DNAI1: variants seen among roughly 807,000 people sequenced by gnomAD.
The protein encoded by DNAI1 is dynein axonemal intermediate chain 1, also known as dynein, axonemal, intermediate polypeptide 1.
A neutral mutation model predicts 92.0 loss-of-function variants in DNAI1; 67 were observed. The ratio of observed to expected loss-of-function variants is 0.73; its 90% CI spans 0.60 to 0.89. The LOEUF is 0.89. Ranked by LOEUF, DNAI1 falls within the 40% of genes least tolerant of loss-of-function variation. DNAI1 has a pLI of 0.00. For missense variants in DNAI1, 839 were observed against 866.6 expected (o/e 0.97, Z 0.40); for synonymous variants, 323 against 319.6 (o/e 1.01, Z -0.11).
At chr9:34,491,416 T>G (rs1824588401) in intron 7 of DNAI1, 79 bp from the exon 8 acceptor site, 1 of 1,531,172 alleles carries the variant, frequency 6.5e-7, no homozygotes. Context: ...CCAAAATGCT[T>G]CTCTCAAAGA....
At chr9:34,519,837 G>A (rs1825234955) in intron 19 of DNAI1, among the ~76,000 whole-genome samples, 1 of 152,190 alleles carries the variant, frequency 6.6e-6, no homozygotes, top group African/African-American at 2.4e-5. Context: ...AATGGCAACT[G>A]CCCAGCCTGC....
At chr9:34,513,078 C>A in intron 15 of DNAI1, 34 bp from the exon 16 acceptor site, 2 of 1,586,644 alleles carry the variant, frequency 1.3e-6, no homozygotes, top group Non-Finnish European at 1.7e-6. Context: ...CCTCTTGGAA[C>A]TGGGCTAAGC....
chr9:34,497,037 C>A, intron 9 of DNAI1, 78 bp from the exon 10 acceptor site: 1 of 1,108,166 alleles, frequency 9.0e-7, no homozygotes, highest in Non-Finnish European at 1.4e-6. Context: ...GAATCAATTG[C>A]AAGGGTGACA....
intron 7 of DNAI1, 53 bp downstream of exon 7, chr9:34,490,541 G>GGAA: frequency 1.2e-6 from 2 of 1,612,212 alleles, no homozygotes; most frequent in Admixed American, 1.7e-5. Flanking sequence ...TGCCTGGCAG[G>GGAA]GAAGAAGCAG....
chr9:34,472,702 G>C (rs1028573914), intron 1 of DNAI1, among the ~76,000 whole-genome samples: 6 of 152,076 alleles, frequency 3.9e-5, no homozygotes, highest in Admixed American at 1.3e-4. Flanking sequence ...AGAAGTTTGA[G>C]ACCAGCCTGG....
Position 34,458,946 on chromosome 9 carries a change from G to C in DNAI1, c.-60G>C. On this transcript the variant is annotated 5_prime_UTR_variant, in exon 1 of 20. Transcript: ENST00000242317. The surrounding 1 kb of genome is among the most constrained non-coding windows in gnomAD (Gnocchi z 6.6). Reference sequence around the variant, plus strand: ...CAGATTTCTTGTGTGTGGTCAAGGAGACGGACAAACTTTTTGTCTTCAGAC... The same window carrying C: ...CAGATTTCTTGTGTGTGGTCAAGGACACGGACAAACTTTTTGTCTTCAGAC... 2 of 1,507,998 alleles carry C rather than the reference G, an allele frequency of 1.3e-6. No homozygotes were observed. Among genetic ancestry groups the C allele is most frequent in the Non-Finnish European group, 1.8e-6 (2 of 1,083,692 alleles). The allele number at this position is 1,507,998 out of a possible 1,614,324, so 93.4% of individuals were successfully genotyped here. A position where few individuals can be genotyped will look rare whatever the true frequency, so the allele number is the denominator to read the frequency against.
rs200801942 is a variant in DNAI1 at position 34,513,203 on chromosome 9, C to G, written c.1569+12C>G. On this transcript the variant is annotated intron_variant, in intron 16 of 19. Transcript: ENST00000242317. ...GAAAAATCTACAAGGTGAGGCTGCC[C>G]TGTGCCAGCTCCTTAGAAGGCCGCT... The G allele has an allele frequency of 4.0e-5, 64 of 1,610,118 alleles. No homozygotes were observed. The highest frequency in any genetic ancestry group is 5.4e-5 in the Non-Finnish European group (63 of 1,176,430).
intron 1 of DNAI1, among the ~76,000 whole-genome samples, chr9:34,481,882 G>T (rs987945722): frequency 6.6e-6 from 1 of 152,234 alleles, no homozygotes; most frequent in Non-Finnish European, 1.5e-5. Context: ...AAAGAACAAA[G>T]ATTCCACAGT....
chr9:34,493,522 C>A (rs1214328580), intron 9 of DNAI1, among the ~76,000 whole-genome samples, 194 bp downstream of exon 9: 1 of 152,104 alleles, frequency 6.6e-6, no homozygotes, highest in Non-Finnish European at 1.5e-5. Flanking sequence ...TCCATACCTC[C>A]CCCCAGTAAG....
chr9:34,492,455 T>G, intron 8 of DNAI1, among the ~76,000 whole-genome samples: 1 of 139,132 alleles, frequency 7.2e-6, no homozygotes, highest in Non-Finnish European at 1.6e-5. Context: ...CGAGCCAGTA[T>G]GTTTATGCCA....
chr9:34,492,372 A>G (rs1201313830), intron 8 of DNAI1, among the ~76,000 whole-genome samples: 1 of 151,202 alleles, frequency 6.6e-6, no homozygotes, highest in Non-Finnish European at 1.5e-5. Flanking sequence ...AGATCCATTT[A>G]GCAAATGTTC....
intron 6 of DNAI1, 79 bp from the exon 7 acceptor site, chr9:34,490,290 G>C (rs991406816): frequency 4.3e-6 from 7 of 1,612,616 alleles, no homozygotes; most frequent in Admixed American, 3.3e-5. Context: ...TCCTATCCTA[G>C]GACAGGGCTT....
intron 9 of DNAI1, among the ~76,000 whole-genome samples, chr9:34,495,980 TC>T (rs1824714892): frequency 6.6e-6 from 1 of 152,132 alleles, no homozygotes. Context: ...TCCTCAAAGG[TC>T]AGTTCCCCAG....
Position 34,520,547 on chromosome 9 carries a change from G to T in DNAI1, c.2002-111G>T, listed in dbSNP as rs180899275. 1.1e-4 allele frequency: 104 copies of T among 949,172 alleles called. 1 individual carries two copies. Among genetic ancestry groups the T allele is most frequent in the East Asian group, 1.0e-4 (4 of 38,120 alleles). The allele number at this position is 949,172 out of a possible 1,614,324, so 58.8% of individuals were successfully genotyped here. ...GAGGCAGGGATCCAGAATTTACTGG[G>T]CAGGGGAGGGGTAGGGCACAGCTGG... is the stretch of plus-strand genomic sequence containing the variant. On this transcript the variant is annotated intron_variant, in intron 19 of 19. Coordinates refer to ENST00000242317, the MANE Select transcript of DNAI1 (RefSeq NM_012144.4).
At chr9:34,518,367 T>C (rs1232374080) in intron 19 of DNAI1, among the ~76,000 whole-genome samples, 1 of 152,234 alleles carries the variant, frequency 6.6e-6, no homozygotes, top group African/African-American at 2.4e-5. Context: ...GCACCATCCC[T>C]CTGGTGCTGG....
At position 34,500,850 on chromosome 9, in the gene DNAI1, G is replaced by A. The variant is rs992279032; in HGVS notation, c.1019+11G>A. 1.2e-6 allele frequency: 2 copies of A among 1,607,418 alleles called. No individual in the cohort carries two copies. Among genetic ancestry groups the A allele is most frequent in the Non-Finnish European group, 1.7e-6 (2 of 1,174,090 alleles). Reference sequence around the variant, plus strand: ...CACTGCCCTCTGCTGGTAAGTATAGGCATTGCAGCAAATGCAGAGCCCCTG... The same window carrying A: ...CACTGCCCTCTGCTGGTAAGTATAGACATTGCAGCAAATGCAGAGCCCCTG... On this transcript the variant is annotated intron_variant, in intron 11 of 19. Coordinates refer to ENST00000242317, the MANE Select transcript of DNAI1 (RefSeq NM_012144.4).
At position 34,503,052 on chromosome 9, in the gene DNAI1, G is replaced by T. The variant is rs978379592; in HGVS notation, c.1063+1871G>T. On this transcript the variant is annotated intron_variant, in intron 12 of 19. Transcript: ENST00000242317. The stretch of plus-strand genomic sequence containing the variant: ...ACCCTCAGGGAGCCCGAGCAGAGAA[G>T]GGGGGTGTGGAGACAGAGGTAGTCT... 2.0e-5 allele frequency among the ~76,000 whole-genome samples: 3 copies of T among 152,180 alleles called. No homozygotes were observed. In the South Asian group the frequency reaches 6.2e-4, roughly 32 times the overall value.
At chr9:34,506,532 C>A (rs1824933202) in intron 12 of DNAI1, 95 bp from the exon 13 acceptor site, 2 of 1,552,492 alleles carry the variant, frequency 1.3e-6, no homozygotes, top group Admixed American at 1.7e-5. Context: ...CAGAGCAGGG[C>A]AGGGCTTGCC....
intron 1 of DNAI1, among the ~76,000 whole-genome samples, chr9:34,472,415 T>C (rs984413302): frequency 6.6e-6 from 1 of 152,206 alleles, no homozygotes; most frequent in African/African-American, 2.4e-5. Flanking sequence ...TGCAGCCTTA[T>C]CTGGGAAGGG....
Sources: gnomAD v4.1 joint callset for allele counts (sites outside exome capture counted in the v4.1 genomes callset) on GRCh38, gnomAD v4.1.1 for gene constraint, Gnocchi (gnomAD v3.1) non-coding constraint, MANE v1.5 for transcripts, NCBI Gene and HGNC (gene_info 2026-07-23, HGNC 2026-07-21) for gene names.